Variants in GRID2 observed in about 807,000 individuals in gnomAD.
GRID2 encodes the protein glutamate ionotropic receptor delta type subunit 2.
A neutral mutation model predicts 114.8 loss-of-function variants in GRID2; 33 were observed. The ratio of observed to expected loss-of-function variants is 0.29; its 90% CI spans 0.22 to 0.38. The LOEUF is 0.38. GRID2 is among the 10% of genes least tolerant of loss of function. The pLI is 1.00. For synonymous variants in GRID2, 505 were observed against 449.9 expected (o/e 1.12, Z -1.55); for missense variants, 1,184 against 1,257.7 (o/e 0.94, Z 0.89).
At chr4:92,567,455 G>C (rs1468702692) in intron 1 of GRID2, among the ~76,000 whole-genome samples, 1 of 151,998 alleles carries the variant, frequency 6.6e-6, no homozygotes, top group African/African-American at 2.4e-5. Flanking sequence ...TTACTGAACT[G>C]TGATGATTTC....
At chr4:92,728,430 T>G (rs995067568) in intron 2 of GRID2, among the ~76,000 whole-genome samples, 1 of 152,118 alleles carries the variant, frequency 6.6e-6, no homozygotes, top group East Asian at 1.9e-4. Context: ...ATTGGAGATC[T>G]ACTTGTAAGC....
At chr4:93,392,304 A>G (rs757742013) in intron 8 of GRID2, among the ~76,000 whole-genome samples, 13 of 152,172 alleles carry the variant, frequency 8.5e-5, no homozygotes, top group Non-Finnish European at 1.6e-4. Flanking sequence ...ATAACCAGAG[A>G]AGTCAAATTA....
intron 4 of GRID2, among the ~76,000 whole-genome samples, chr4:93,175,282 T>C (rs1243818225): frequency 2.0e-5 from 3 of 152,210 alleles, no homozygotes; most frequent in Non-Finnish European, 4.4e-5. Context: ...ACAATTCTCC[T>C]GCCTCAGCCT....
At position 93,591,856 on chromosome 4, in the gene GRID2, A is replaced by G. The variant is rs12511102; in HGVS notation, c.2194-34413A>G. Among the ~76,000 whole-genome samples the G allele has an allele frequency of 5.6e-3, 857 of 152,232 alleles. 27 individuals are homozygous for G. The East Asian group carries it at 0.078, about 14-fold the overall frequency. ...AGTTTATTTGCGTAGAGGTGTTTATAGTATTCTCTGATGGTAGTTTGTATT... is the reference window on the plus strand; with the variant it reads ...AGTTTATTTGCGTAGAGGTGTTTATGGTATTCTCTGATGGTAGTTTGTATT... On this transcript the variant is annotated intron_variant, in intron 13 of 15. Transcript: ENST00000282020.
chr4:92,565,737 T>C (rs1406868026), intron 1 of GRID2, among the ~76,000 whole-genome samples: 1 of 151,976 alleles, frequency 6.6e-6, no homozygotes, highest in Non-Finnish European at 1.5e-5. Flanking sequence ...CAAGTCTTTT[T>C]CTCCCATGTT....
At chr4:92,823,572 T>G (rs1741448696) in intron 2 of GRID2, among the ~76,000 whole-genome samples, 1 of 152,100 alleles carries the variant, frequency 6.6e-6, no homozygotes, top group Admixed American at 6.6e-5. Context: ...GTCAACTGAA[T>G]AGTATTTATA....
chr4:92,886,742 C>A (rs1270525400), intron 2 of GRID2, among the ~76,000 whole-genome samples: 1 of 152,164 alleles, frequency 6.6e-6, no homozygotes, highest in Non-Finnish European at 1.5e-5. Context: ...TCTCCTGCCT[C>A]AGCCTCCCGA....
chr4:92,316,123 A>T (rs1725967583), intron 1 of GRID2, among the ~76,000 whole-genome samples: 1 of 152,062 alleles, frequency 6.6e-6, no homozygotes, highest in Admixed American at 6.6e-5. Context: ...AACCAACAAA[A>T]TTGGGTTAGT....
intron 1 of GRID2, among the ~76,000 whole-genome samples, chr4:93,789,664 G>A (rs1734658969): frequency 6.6e-6 from 1 of 152,120 alleles, no homozygotes; most frequent in Non-Finnish European, 1.5e-5. Context: ...AGAATAATAT[G>A]GGACATATCA....
chr4:93,266,559 A>G (rs1484808588), intron 8 of GRID2, among the ~76,000 whole-genome samples: 2 of 152,056 alleles, frequency 1.3e-5, no homozygotes, highest in East Asian at 1.9e-4. Context: ...AACCCCATCA[A>G]TTGGCCCAGT....
At chr4:92,669,971 G>A (rs1481689481) in intron 2 of GRID2, among the ~76,000 whole-genome samples, 2 of 151,864 alleles carry the variant, frequency 1.3e-5, no homozygotes, top group South Asian at 2.1e-4. Context: ...TCATTATGCC[G>A]GCCTTGATTT....
intron 11 of GRID2, among the ~76,000 whole-genome samples, chr4:93,466,449 C>A (rs929311409): frequency 1.3e-5 from 2 of 152,104 alleles, no homozygotes; most frequent in Non-Finnish European, 2.9e-5. Flanking sequence ...GCAGGGCTAC[C>A]CTATGGGCAA....
chr4:93,110,967 G>A lies in GRID2; in HGVS notation c.735+14G>A, dbSNP rs375596791. On this transcript the variant is annotated intron_variant, in intron 4 of 15. Coordinates refer to ENST00000282020, the MANE Select transcript of GRID2 (RefSeq NM_001510.4). ...TTCATTACTGAGGTAAGTGAAAATT[G>A]TCTTGGGGTGAGAGTTGTACAAAAC... 1.2e-5 allele frequency: 18 copies of A among 1,537,988 alleles called. No individual in the cohort carries two copies. The highest frequency in any genetic ancestry group is 1.5e-5 in the Non-Finnish European group (17 of 1,110,538).
chr4:92,995,385 T>C lies in GRID2; in HGVS notation c.245-89610T>C, dbSNP rs114879815. 4.9e-3 allele frequency among the ~76,000 whole-genome samples: 740 copies of C among 152,302 alleles called. 8 individuals carry two copies. The highest frequency in any genetic ancestry group is 0.017 in the African/African-American group (711 of 41,574). On this transcript the variant is annotated intron_variant, in intron 2 of 15. Coordinates refer to ENST00000282020, the MANE Select transcript of GRID2 (RefSeq NM_001510.4). ...TCAAATTATATTGCACATTGGCCAC[T>C]GGCACACACTGTGTTAGATGCTTTA...
intron 4 of GRID2, among the ~76,000 whole-genome samples, chr4:93,130,171 G>A (rs1431793282): frequency 1.3e-5 from 2 of 152,222 alleles, no homozygotes; most frequent in African/African-American, 2.4e-5. Context: ...TCGGTGTGGT[G>A]GCTCACGCCT....
intron 2 of GRID2, among the ~76,000 whole-genome samples, chr4:92,600,044 G>GTGTGTA (rs1206780169): frequency 1.7e-3 from 95 of 54,432 alleles, no homozygotes; most frequent in African/African-American, 2.7e-3. Flanking sequence ...GTGTGTGTGT[G>GTGTGTA]TATATATATA....
At chr4:93,467,329 G>A (rs1316187423) in intron 11 of GRID2, among the ~76,000 whole-genome samples, 2 of 152,028 alleles carry the variant, frequency 1.3e-5, no homozygotes, top group African/African-American at 2.4e-5. Context: ...TTTTAATACC[G>A]ATTTTGCTGA....
intron 13 of GRID2, among the ~76,000 whole-genome samples, chr4:93,566,849 T>C (rs1194349054): frequency 6.6e-6 from 1 of 152,192 alleles, no homozygotes; most frequent in Non-Finnish European, 1.5e-5. Flanking sequence ...ATATGCATTA[T>C]ATATTAACAC....
In GRID2 at chr4:92,986,600, G is replaced by C. The variant is rs79958423; in HGVS notation, c.245-98395G>C. 4.9e-3 allele frequency among the ~76,000 whole-genome samples: 746 copies of C among 152,224 alleles called. 8 individuals carry two copies. Among genetic ancestry groups the C allele is most frequent in the African/African-American group, 0.017 (717 of 41,540 alleles). On this transcript the variant is annotated intron_variant, in intron 2 of 15. Coordinates refer to ENST00000282020, the MANE Select transcript of GRID2 (RefSeq NM_001510.4). The stretch of plus-strand genomic sequence containing the variant: ...GCAATGTTAACTTTCTGGTTTCCAT[G>C]ATTGTGCTAAGGTTGTGTAATTTAT...
Sources: allele counts gnomAD v4.1 joint callset (sites outside exome capture counted in the v4.1 genomes callset), GRCh38; gene constraint gnomAD v4.1.1; transcripts MANE v1.5; gene names NCBI Gene and HGNC (gene_info 2026-07-23, HGNC 2026-07-21).